TANC2: variants seen among roughly 807,000 people sequenced by gnomAD.
The protein encoded by TANC2 is protein TANC2.
TANC2 carries 26 observed loss-of-function variants against 210.5 expected under a neutral mutation model. That is an observed-to-expected ratio of 0.12 (90% CI 0.09 to 0.17). The LOEUF is 0.17. Among genes scored for constraint, TANC2 ranks in the 10% least tolerant of loss-of-function variants. The pLI is 1.00. For missense variants in TANC2, 2,129 were observed against 2,608.9 expected, an observed-to-expected ratio of 0.82 and a Z score of 4.01; for synonymous variants, 931 against 967.1, an observed-to-expected ratio of 0.96 and a Z score of 0.69.
At chr17:63,051,294 AC>A (rs891287838) in intron 2 of TANC2, among the ~76,000 whole-genome samples, 1 of 152,022 alleles carries the variant, frequency 6.6e-6, no homozygotes, top group African/African-American at 2.4e-5. Flanking sequence ...TCTCTAAGTG[AC>A]CTTTTCTTTC....
chr17:62,971,437 C>T (rs955880573), intron 1 of TANC2, among the ~76,000 whole-genome samples: 1 of 152,156 alleles, frequency 6.6e-6, no homozygotes, highest in Non-Finnish European at 1.5e-5. Flanking sequence ...TCAGGCGATC[C>T]TCTCACCTCA....
intron 9 of TANC2, among the ~76,000 whole-genome samples, chr17:63,307,294 G>A (rs997766287): frequency 5.3e-5 from 8 of 152,140 alleles, no homozygotes; most frequent in Admixed American, 3.9e-4. Flanking sequence ...AGGAGTAGTC[G>A]ATAAGAAGGA....
At chr17:63,327,758 A>G (rs1270884454) in intron 11 of TANC2, among the ~76,000 whole-genome samples, 2 of 152,214 alleles carry the variant, frequency 1.3e-5, no homozygotes, top group African/African-American at 4.8e-5. Flanking sequence ...CATTAAAAAA[A>G]AAGAATGAAA....
chr17:63,330,353 G>A (rs2045795856), intron 11 of TANC2, among the ~76,000 whole-genome samples: 1 of 152,180 alleles, frequency 6.6e-6, no homozygotes, highest in African/African-American at 2.4e-5. Context: ...TAAGATAATT[G>A]ATGAAAGTGG....
intron 7 of TANC2, among the ~76,000 whole-genome samples, chr17:63,207,493 G>A (rs2041758413): frequency 6.6e-6 from 1 of 152,146 alleles, no homozygotes; most frequent in East Asian, 1.9e-4. Flanking sequence ...GGGATTACAG[G>A]CATGAGCCAC....
chr17:63,282,890 CA>C (rs1240510796), intron 9 of TANC2, among the ~76,000 whole-genome samples: 1 of 151,930 alleles, frequency 6.6e-6, no homozygotes, highest in Non-Finnish European at 1.5e-5. Flanking sequence ...ACTTGATTTA[CA>C]AATATTTTTT....
At chr17:63,154,668 A>T (rs2039774039) in intron 5 of TANC2, 1 of 152,160 alleles carries the variant, frequency 6.6e-6, no homozygotes, top group Middle Eastern at 3.2e-3. Context: ...GTCAGTGCTC[A>T]TAATTGTTAG....
At chr17:63,389,807 C>A (rs2047905812) in intron 17 of TANC2, 1 of 458,292 alleles carries the variant, frequency 2.2e-6, no homozygotes, top group African/African-American at 2.0e-5. Flanking sequence ...CATAACAACC[C>A]AGAAATGATC....
intron 9 of TANC2, among the ~76,000 whole-genome samples, chr17:63,312,875 C>A (rs1220983762): frequency 6.6e-6 from 1 of 152,082 alleles, no homozygotes; most frequent in South Asian, 2.1e-4. Flanking sequence ...CATTTTGTTT[C>A]TGTTGTCAGA....
At chr17:63,193,691 T>C (rs2041254884) in intron 5 of TANC2, among the ~76,000 whole-genome samples, 2 of 152,180 alleles carry the variant, frequency 1.3e-5, no homozygotes, top group South Asian at 2.1e-4. Flanking sequence ...CCTGAATAAA[T>C]ATGGACGGTA....
intron 2 of TANC2, among the ~76,000 whole-genome samples, chr17:63,044,150 T>C (rs931809027): frequency 2.0e-5 from 3 of 152,132 alleles, no homozygotes; most frequent in Admixed American, 6.6e-5. Flanking sequence ...AAAACATGGC[T>C]TGGTTTTTTA....
chr17:63,302,600 T>C (rs1254389460), intron 9 of TANC2, among the ~76,000 whole-genome samples: 2 of 68,364 alleles, frequency 2.9e-5, no homozygotes, highest in Non-Finnish European at 5.3e-5. Context: ...CAACCCCTGC[T>C]TTTTTTTTTT....
chr17:63,395,182 C>T (rs563920041), intron 17 of TANC2, among the ~76,000 whole-genome samples: 2 of 152,192 alleles, frequency 1.3e-5, no homozygotes, highest in Non-Finnish European at 2.9e-5. Flanking sequence ...GTGCACTAAG[C>T]CAGAAGTGCC....
chr17:63,346,102 C>T (rs1369142356), intron 12 of TANC2, among the ~76,000 whole-genome samples: 2 of 152,134 alleles, frequency 1.3e-5, no homozygotes, highest in Admixed American at 6.5e-5. Flanking sequence ...ATCCTTACTT[C>T]ACACTATACA....
At position 63,376,423 on chromosome 17, in the gene TANC2, C is replaced by G. The variant is rs149568905; in HGVS notation, c.2583-3295C>G. Among the ~76,000 whole-genome samples the G allele has an allele frequency of 2.5e-3, 375 of 152,254 alleles. 4 individuals carry two copies. The highest frequency in any genetic ancestry group is 8.6e-3 in the African/African-American group (356 of 41,530). The stretch of plus-strand genomic sequence containing the variant: ...TGATAGCTGATAGTTTTATAAGTGT[C>G]TGGCATTTCCTCTGCTGGCACTCAT... On this transcript the variant is annotated intron_variant, in intron 14 of 27. Coordinates refer to ENST00000689528, the Ensembl canonical transcript of TANC2.
intron 2 of TANC2, among the ~76,000 whole-genome samples, chr17:63,038,382 TTTG>T (rs1434750994): frequency 6.6e-6 from 1 of 152,156 alleles, no homozygotes; most frequent in Admixed American, 6.5e-5. Context: ...CTACTCATAG[TTTG>T]TTGTTCTTTT....
At chr17:63,352,080 C>T (rs2046628340) in intron 13 of TANC2, among the ~76,000 whole-genome samples, 1 of 152,080 alleles carries the variant, frequency 6.6e-6, no homozygotes, top group Admixed American at 6.6e-5. Flanking sequence ...TCTGCTTTCC[C>T]CAGCCTTCTC....
At position 63,421,850 on chromosome 17, in the gene TANC2, T is replaced by C; in HGVS notation, c.6120T>C (p.Ala2040=). ...AGGTAGCTCGGACTCTACCTGTGGC[T>C]CAGGCATACCAGGACAACCTGTACA... Residue 2040 remains alanine (A), a synonymous_variant, in exon 28 of 28, where the codon GCT becomes GCC. Transcript: ENST00000689528. The surrounding 1 kb of genome is among the most constrained non-coding windows in gnomAD (Gnocchi z 6.9). 2 of 1,614,014 alleles carry C rather than the reference T, an allele frequency of 1.2e-6. No homozygotes were observed. Among genetic ancestry groups the C allele is most frequent in the Admixed American group, 1.7e-5 (1 of 60,030 alleles).
intron 12 of TANC2, 88 bp downstream of exon 12, chr17:63,340,420 A>G: frequency 3.7e-6 from 4 of 1,093,808 alleles, no homozygotes; most frequent in Non-Finnish European, 4.0e-6. Context: ...TGATTTTATC[A>G]CATTGCCAAA....
Sources: allele counts gnomAD v4.1 joint callset (sites outside exome capture counted in the v4.1 genomes callset), GRCh38; gene constraint gnomAD v4.1.1; non-coding constraint Gnocchi (gnomAD v3.1); transcripts MANE v1.5; gene names NCBI Gene and HGNC (gene_info 2026-07-23, HGNC 2026-07-21).